Variants in INSR observed in about 807,000 individuals in gnomAD.
The protein encoded by INSR is IR.
INSR carries 67 observed loss-of-function variants against 142.6 expected under a neutral mutation model. That is an observed-to-expected ratio of 0.47 (90% CI 0.39 to 0.58). The LOEUF (loss-of-function observed/expected upper bound fraction) is 0.58, where lower values mean the gene tolerates loss of function less well. Among genes scored for constraint, INSR ranks in the 20% least tolerant of loss-of-function variants. The probability of loss-of-function intolerance (pLI) is 0.00; values close to 1 mark genes in which losing one functional copy is unlikely to be tolerated. For synonymous variants in INSR, 756 were observed against 743.1 expected, an observed-to-expected ratio of 1.02 and a Z score of -0.28; for missense variants, 1,248 against 1,833.2, an observed-to-expected ratio of 0.68 and a Z score of 5.83.
intron 2 of INSR, among the ~76,000 whole-genome samples, chr19:7,198,264 G>GC (rs1230343652): frequency 1.3e-5 from 2 of 150,848 alleles, no homozygotes; most frequent in Non-Finnish European, 1.5e-5. Flanking sequence ...CGCTGGCCCC[G>GC]CCCCCCGGGT....
intron 11 of INSR, among the ~76,000 whole-genome samples, chr19:7,148,270 A>G (rs1973229855): frequency 6.6e-6 from 1 of 151,904 alleles, no homozygotes; most frequent in Admixed American, 6.6e-5. Context: ...GGTCATCTCA[A>G]CCAAGGGTCC....
At chr19:7,224,546 G>A (rs1393526999) in intron 2 of INSR, among the ~76,000 whole-genome samples, 1 of 152,170 alleles carries the variant, frequency 6.6e-6, no homozygotes, top group Non-Finnish European at 1.5e-5. Context: ...GCGACTTGCC[G>A]ACGGCCCCAC....
At chr19:7,195,494 T>C (rs181155607) in intron 2 of INSR, among the ~76,000 whole-genome samples, 10 of 151,976 alleles carry the variant, frequency 6.6e-5, no homozygotes, top group African/African-American at 2.4e-4. Context: ...AACACAAAAA[T>C]TAGCTGGGTG....
At chr19:7,210,413 A>G (rs62112760) in intron 2 of INSR, among the ~76,000 whole-genome samples, 17,149 of 151,110 alleles carry the variant, frequency 0.11, 1,045 homozygotes, top group South Asian at 0.24. Flanking sequence ...ACTCAGCCCC[A>G]CTAAAACACA....
intron 2 of INSR, among the ~76,000 whole-genome samples, chr19:7,264,227 G>T (rs1286948336): frequency 6.6e-6 from 1 of 151,742 alleles, no homozygotes; most frequent in Admixed American, 6.6e-5. Flanking sequence ...CAGCTACTTG[G>T]GAGGCTGAGG....
chr19:7,269,373 GA>G (rs1405778399), intron 1 of INSR, among the ~76,000 whole-genome samples: 1 of 115,680 alleles, frequency 8.6e-6, no homozygotes, highest in Non-Finnish European at 1.7e-5. Context: ...GCTAAGTCGA[GA>G]AAACACACAC....
At chr19:7,198,073 G>C (rs1175002690) in intron 2 of INSR, among the ~76,000 whole-genome samples, 1 of 151,822 alleles carries the variant, frequency 6.6e-6, no homozygotes, top group Non-Finnish European at 1.5e-5. Context: ...GTGTCTGCGT[G>C]TGTGCCCATG....
At chr19:7,188,711 T>G (rs1401310880) in intron 2 of INSR, among the ~76,000 whole-genome samples, 2 of 151,844 alleles carry the variant, frequency 1.3e-5, no homozygotes, top group African/African-American at 2.4e-5. Context: ...CCGTCTCTAC[T>G]AAAAATACAA....
At chr19:7,278,060 C>T (rs193011701) in intron 1 of INSR, among the ~76,000 whole-genome samples, 13 of 152,120 alleles carry the variant, frequency 8.5e-5, no homozygotes, top group Admixed American at 3.3e-4. Flanking sequence ...TGCCACTACA[C>T]TCCAGCCTGG....
Position 7,267,606 on chromosome 19 carries a change from G to A in INSR, c.391C>T (p.Leu131Phe). ...VIFEMVHLKELGLYNLMNITR... is the reference protein window; with the variant it reads ...VIFEMVHLKEFGLYNLMNITR... ...ATGTTCATCAGGTTGTAGAGGCCGAGTTCCTTGAGGTGAACCATCTCGAAG... is the reference window on the plus strand; with the variant it reads ...ATGTTCATCAGGTTGTAGAGGCCGAATTCCTTGAGGTGAACCATCTCGAAG... Residue 131 changes from leucine (L) to phenylalanine (F), a missense_variant, in exon 2 of 22, where the codon CTC becomes TTC. Coordinates refer to ENST00000302850, the MANE Select transcript of INSR (RefSeq NM_000208.4). This position sits in a 1 kb window ranked among gnomAD's most constrained non-coding sequence, Gnocchi z 6.3. 1 of 1,614,052 alleles carries A rather than the reference G, an allele frequency of 6.2e-7. No individual in the cohort carries two copies. Among genetic ancestry groups the A allele is most frequent in the Non-Finnish European group, 8.5e-7 (1 of 1,179,956 alleles).
chr19:7,284,440 T>C (rs1968290410), intron 1 of INSR, among the ~76,000 whole-genome samples: 1 of 152,230 alleles, frequency 6.6e-6, no homozygotes, highest in African/African-American at 2.4e-5. Flanking sequence ...TTCAGCACCC[T>C]GGGGGGCATT....
At chr19:7,135,208 T>C (rs1314574711) in intron 13 of INSR, among the ~76,000 whole-genome samples, 1 of 150,938 alleles carries the variant, frequency 6.6e-6, no homozygotes, top group Non-Finnish European at 1.5e-5. Flanking sequence ...CCAAAGTTTC[T>C]TCCAAGTGGA....
At chr19:7,124,120 T>A (rs1460826447) in intron 17 of INSR, among the ~76,000 whole-genome samples, 1 of 151,498 alleles carries the variant, frequency 6.6e-6, no homozygotes, top group Non-Finnish European at 1.5e-5. Flanking sequence ...TCCCAGCACT[T>A]TGGGAGGCCA....
At chr19:7,197,944 TGTGTCC>T (rs1974828333) in intron 2 of INSR, among the ~76,000 whole-genome samples, 1 of 129,886 alleles carries the variant, frequency 7.7e-6, no homozygotes, top group African/African-American at 3.5e-5. Flanking sequence ...TGTGTGTGTG[TGTGTCC>T]CCATGGTGGG....
At position 7,225,088 on chromosome 19, in the gene INSR, T is replaced by TTA. The variant is rs988672812; in HGVS notation, c.653-40453_653-40452dup. Among the ~76,000 whole-genome samples the TTA allele has an allele frequency of 7.9e-5, 12 of 152,030 alleles. No individual in the cohort carries two copies. Among genetic ancestry groups the TTA allele is most frequent in the African/African-American group, 2.9e-4 (12 of 41,364 alleles). The stretch of plus-strand genomic sequence containing the variant: ...GTTGTGGCCACATGCTGTGTAACAC[T>TTA]TAGAGTTTCCTATGCACCCAGCACT... On this transcript the variant is annotated intron_variant, in intron 2 of 21. Transcript: ENST00000302850. The surrounding 1 kb of genome is among the most constrained non-coding windows in gnomAD (Gnocchi z 4.7).
rs554439963 is a variant in INSR at position 7,125,622 on chromosome 19, C to T, written c.3014-95G>A. 141 of 1,537,714 alleles carry T rather than the reference C, an allele frequency of 9.2e-5. 1 individual carries two copies. The Middle Eastern group carries it at 5.1e-3, about 55-fold the overall frequency. On this transcript the variant is annotated intron_variant, in intron 16 of 21. Transcript: ENST00000302850. This position sits in a 1 kb window ranked among gnomAD's most constrained non-coding sequence, Gnocchi z 4.9. ...GCCCTCACCCAAACCCCCTCGAAAA[C>T]ACTCATGAAATGAGTTCTGTGATCC... is the stretch of plus-strand genomic sequence containing the variant.
chr19:7,239,786 A>C lies in INSR; in HGVS notation c.652+27559T>G, dbSNP rs144240319. 4.9e-4 allele frequency among the ~76,000 whole-genome samples: 75 copies of C among 151,786 alleles called. 1 individual carries two copies. Among genetic ancestry groups the C allele is most frequent in the Middle Eastern group, 6.8e-3 (2 of 294 alleles). ...TTAAAAGAATGAACTAGCAATACTG[A>C]ATCAAGAGGCATAAACTTAAAGAAC... On this transcript the variant is annotated intron_variant, in intron 2 of 21. Transcript: ENST00000302850.
At chr19:7,291,118 A>ATC (rs1459488806) in intron 1 of INSR, among the ~76,000 whole-genome samples, 1 of 152,102 alleles carries the variant, frequency 6.6e-6, no homozygotes, top group Non-Finnish European at 1.5e-5. Flanking sequence ...ATGATCTGAA[A>ATC]AGTTCTTTGC....
At chr19:7,155,733 T>C (rs1029155455) in intron 9 of INSR, among the ~76,000 whole-genome samples, 1 of 151,318 alleles carries the variant, frequency 6.6e-6, no homozygotes, top group Non-Finnish European at 1.5e-5. Context: ...GCCAACAAGA[T>C]GAAACTCCGT....
Sources: gnomAD v4.1 joint callset for allele counts (sites outside exome capture counted in the v4.1 genomes callset) on GRCh38, gnomAD v4.1.1 for gene constraint, Gnocchi (gnomAD v3.1) non-coding constraint, MANE v1.5 for transcripts, NCBI Gene and HGNC (gene_info 2026-07-23, HGNC 2026-07-21) for gene names.